The following TENM2 variants were observed in gnomAD, a reference collection of about 807,000 sequenced individuals.
The protein encoded by TENM2 is teneurin transmembrane protein 2.
TENM2 carries 52 observed loss-of-function variants against 245.2 expected under a neutral mutation model. The ratio of observed to expected loss-of-function variants is 0.21; its 90% CI spans 0.17 to 0.27. TENM2 has a LOEUF of 0.27. Ranked by LOEUF, TENM2 falls within the 10% of genes least tolerant of loss-of-function variation. The pLI is 1.00. For missense variants in TENM2, 3,046 were observed against 3,666.8 expected (o/e 0.83, Z 4.37); for synonymous variants, 1,363 against 1,438.9 (o/e 0.95, Z 1.19).
At chr5:168,256,652 T>C (rs1208592257) in intron 27 of TENM2, among the ~76,000 whole-genome samples, 1 of 152,156 alleles carries the variant, frequency 6.6e-6, no homozygotes, top group Non-Finnish European at 1.5e-5. Context: ...CTTGAACTCC[T>C]GACCGCAGGT....
chr5:167,066,538 C>G, the TENM2 span, among the ~76,000 whole-genome samples: 3 of 149,130 alleles, frequency 2.0e-5, no homozygotes, highest in East Asian at 4.0e-4. Context: ...CCCCTCCCCC[C>G]TCCCCACAAC....
intron 3 of TENM2, among the ~76,000 whole-genome samples, chr5:167,944,395 A>G (rs1009976242): frequency 2.0e-5 from 3 of 151,886 alleles, no homozygotes; most frequent in South Asian, 2.1e-4. Context: ...TCACCTAACA[A>G]TCTCCATCTG....
chr5:167,718,114 C>T (rs997383791), intron 2 of TENM2, among the ~76,000 whole-genome samples: 1 of 152,196 alleles, frequency 6.6e-6, no homozygotes, highest in African/African-American at 2.4e-5. Flanking sequence ...AAGGGACTTA[C>T]TGGCTTCCTG....
chr5:168,059,704 G>T (rs1274213864), intron 6 of TENM2, among the ~76,000 whole-genome samples: 4 of 152,150 alleles, frequency 2.6e-5, no homozygotes, highest in Middle Eastern at 3.4e-3. Flanking sequence ...TTAGTTTCCA[G>T]TTTATAGTAA....
chr5:168,074,225 A>T (rs1026327405), intron 7 of TENM2, among the ~76,000 whole-genome samples: 2 of 152,110 alleles, frequency 1.3e-5, no homozygotes, highest in Non-Finnish European at 2.9e-5. Context: ...TACCAGAGAC[A>T]TTCAAAATAT....
the TENM2 span, among the ~76,000 whole-genome samples, chr5:167,186,124 A>G: frequency 2.0e-5 from 3 of 152,188 alleles, no homozygotes; most frequent in South Asian, 2.1e-4. Context: ...TATGAGTACA[A>G]GTTCAATCAA....
chr5:167,078,348 T>G, the TENM2 span, among the ~76,000 whole-genome samples: 2 of 152,082 alleles, frequency 1.3e-5, no homozygotes, highest in African/African-American at 4.8e-5. Context: ...CCAGGTGTGG[T>G]GGCACATTCC....
chr5:168,227,829 T>G, intron 24 of TENM2, 66 bp from the exon 27 acceptor site: 5 of 1,107,816 alleles, frequency 4.5e-6, no homozygotes, highest in Non-Finnish European at 6.4e-6. Context: ...AGGGGTTCTA[T>G]TCTCTTCTGA....
chr5:167,147,435 T>A, the TENM2 span, among the ~76,000 whole-genome samples: 1 of 152,154 alleles, frequency 6.6e-6, no homozygotes, highest in Non-Finnish European at 1.5e-5. Flanking sequence ...GGCATAAACA[T>A]GCTGAATGTC....
At chr5:167,850,824 A>G (rs1034495212) in intron 2 of TENM2, among the ~76,000 whole-genome samples, 4 of 152,168 alleles carry the variant, frequency 2.6e-5, no homozygotes, top group Non-Finnish European at 4.4e-5. Flanking sequence ...TTTTTTCCCC[A>G]ATTAGCTTGC....
At chr5:167,342,507 CTTTTTTTTTTTTTTT>C (rs35451881) in intron 1 of TENM2, among the ~76,000 whole-genome samples, 3 of 54,278 alleles carry the variant, frequency 5.5e-5, no homozygotes, top group African/African-American at 2.4e-4. Flanking sequence ...TAAAGTTATT[CTTTTTTTTTTTTTTT>C]TTTTTTTTTT....
At chr5:167,936,136 A>G (rs1778694461) in intron 3 of TENM2, among the ~76,000 whole-genome samples, 1 of 152,198 alleles carries the variant, frequency 6.6e-6, no homozygotes. Flanking sequence ...CAGGAAGTAG[A>G]GCAGGTTGGG....
chr5:167,903,912 G>A (rs757972540), intron 3 of TENM2, among the ~76,000 whole-genome samples: 14 of 152,194 alleles, frequency 9.2e-5, no homozygotes, highest in Non-Finnish European at 2.1e-4. Context: ...GGGATGTGGT[G>A]TGCTCAAACA....
At chr5:167,374,908 T>C (rs1031100307) in intron 1 of TENM2, among the ~76,000 whole-genome samples, 1 of 152,216 alleles carries the variant, frequency 6.6e-6, no homozygotes, top group Non-Finnish European at 1.5e-5. Flanking sequence ...TTCCGGGTTT[T>C]TTCAGCTACA....
chr5:167,054,307 G>A, the TENM2 span, among the ~76,000 whole-genome samples: 3 of 152,108 alleles, frequency 2.0e-5, no homozygotes, highest in Non-Finnish European at 4.4e-5. Flanking sequence ...TTAAAGATGG[G>A]TTTCTTTCAC....
chr5:167,123,420 G>T, the TENM2 span, among the ~76,000 whole-genome samples: 1 of 152,160 alleles, frequency 6.6e-6, no homozygotes, highest in South Asian at 2.1e-4. Context: ...TCTTTTGTTT[G>T]CTACCATATT....
intron 2 of TENM2, among the ~76,000 whole-genome samples, chr5:167,608,390 G>A (rs1485857328): frequency 6.6e-6 from 1 of 152,158 alleles, no homozygotes; most frequent in Admixed American, 6.5e-5. Flanking sequence ...TGTGAAAGTA[G>A]GCCATGTGCA....
chr5:168,053,314 T>A (rs17069724), intron 6 of TENM2, among the ~76,000 whole-genome samples: 31,461 of 152,106 alleles, frequency 0.21, 3,635 homozygotes, highest in African/African-American at 0.31. Context: ...AATTGCATAG[T>A]TTCTGTTGTA....
chr5:168,125,166 A>G, intron 11 of TENM2, 116 bp downstream of exon 13: 2 of 833,528 alleles, frequency 2.4e-6, no homozygotes, highest in South Asian at 3.5e-5. Flanking sequence ...GGGGACTTTG[A>G]TGAATCACAT....
Sources: gnomAD v4.1 joint callset for allele counts (sites outside exome capture counted in the v4.1 genomes callset) on GRCh38, gnomAD v4.1.1 for gene constraint, MANE v1.5 for transcripts, NCBI Gene and HGNC (gene_info 2026-07-23, HGNC 2026-07-21) for gene names.